The following NXPE2 variants were observed in gnomAD, a reference collection of about 807,000 sequenced individuals.
The protein encoded by NXPE2 is neurexophilin and PC-esterase domain family member 2, also known as NXPE family member 2.
A neutral mutation model predicts 34.4 loss-of-function variants in NXPE2; 34 were observed. The observed-to-expected ratio is 0.99, with a 90% CI of 0.75 to 1.31. The LOEUF is 1.31. Ranked by LOEUF, NXPE2 falls within the 40% of genes most tolerant of loss-of-function variation. The probability of loss-of-function intolerance (pLI) is 0.00; values close to 1 mark genes in which losing one functional copy is unlikely to be tolerated. For missense variants in NXPE2, 649 were observed against 672.5 expected (o/e 0.97, Z 0.39); for synonymous variants, 235 against 231.3 (o/e 1.02, Z -0.15).
chr11:114,798,398 CTTTTCTTCTT>C, the NXPE2 span, among the ~76,000 whole-genome samples: 4 of 152,012 alleles, frequency 2.6e-5, no homozygotes, highest in African/African-American at 9.7e-5. Context: ...CTTCCCTTCC[CTTTTCTTCTT>C]TCCAGAGTCT....
the NXPE2 span, among the ~76,000 whole-genome samples, chr11:114,578,724 C>T: frequency 2.0e-5 from 3 of 152,122 alleles, no homozygotes; most frequent in African/African-American, 7.2e-5. Flanking sequence ...GAGGGGTAGA[C>T]AATAATGGTT....
chr11:114,785,110 A>G, the NXPE2 span, among the ~76,000 whole-genome samples: 3 of 151,996 alleles, frequency 2.0e-5, no homozygotes, highest in Non-Finnish European at 1.5e-5. Flanking sequence ...CGTAGCTGAC[A>G]CTCTCCCAGA....
At chr11:114,464,466 T>C in the NXPE2 span, among the ~76,000 whole-genome samples, 1 of 152,210 alleles carries the variant, frequency 6.6e-6, no homozygotes, top group Non-Finnish European at 1.5e-5. Context: ...CATTTTTGAC[T>C]CATGATATTT....
the NXPE2 span, among the ~76,000 whole-genome samples, chr11:114,658,193 A>G: frequency 6.6e-6 from 1 of 152,228 alleles, no homozygotes; most frequent in Admixed American, 6.5e-5. Flanking sequence ...ATCTAGCTTA[A>G]AATCTAATGA....
the NXPE2 span, among the ~76,000 whole-genome samples, chr11:114,579,719 A>G: frequency 6.6e-6 from 1 of 152,236 alleles, no homozygotes; most frequent in Non-Finnish European, 1.5e-5. Flanking sequence ...ATGGTTATGT[A>G]ACTTGTTCAA....
chr11:114,537,759 C>A, the NXPE2 span, among the ~76,000 whole-genome samples: 1 of 151,696 alleles, frequency 6.6e-6, no homozygotes, highest in Non-Finnish European at 1.5e-5. Context: ...GAACTACAAA[C>A]CACTGCTCAA....
chr11:114,734,362 C>CT, the NXPE2 span, among the ~76,000 whole-genome samples: 12 of 152,114 alleles, frequency 7.9e-5, no homozygotes, highest in East Asian at 1.9e-4. Context: ...TTTACAAATA[C>CT]ATTTTTTGTG....
chr11:114,776,460 A>G, the NXPE2 span, among the ~76,000 whole-genome samples: 1 of 152,096 alleles, frequency 6.6e-6, no homozygotes. Flanking sequence ...TTGTGGAGAG[A>G]CCTCTGGCTC....
the NXPE2 span, among the ~76,000 whole-genome samples, chr11:114,785,672 AT>A: frequency 6.6e-6 from 1 of 152,232 alleles, no homozygotes; most frequent in East Asian, 1.9e-4. Flanking sequence ...GGCCTAATTG[AT>A]TAATTTTACC....
chr11:114,799,219 G>T, the NXPE2 span, among the ~76,000 whole-genome samples: 1 of 147,930 alleles, frequency 6.8e-6, no homozygotes, highest in Non-Finnish European at 1.5e-5. Context: ...TTTTATTTGG[G>T]TATTTGTGAT....
At chr11:114,768,478 T>C in the NXPE2 span, among the ~76,000 whole-genome samples, 3 of 152,234 alleles carry the variant, frequency 2.0e-5, no homozygotes, top group African/African-American at 4.8e-5. Context: ...GGGGATAGCA[T>C]TGAATCTATA....
the NXPE2 span, among the ~76,000 whole-genome samples, chr11:114,640,379 C>T: frequency 2.0e-5 from 3 of 148,824 alleles, no homozygotes; most frequent in African/African-American, 7.4e-5. Flanking sequence ...TTTCTTTATC[C>T]ACTCATGTGT....
the NXPE2 span, among the ~76,000 whole-genome samples, chr11:114,573,646 A>G: frequency 6.6e-6 from 1 of 152,052 alleles, no homozygotes; most frequent in Non-Finnish European, 1.5e-5. Context: ...TGATAAAATA[A>G]CATTCAACAG....
At chr11:114,615,278 C>G in the NXPE2 span, among the ~76,000 whole-genome samples, 31 of 152,054 alleles carry the variant, frequency 2.0e-4, no homozygotes, top group Non-Finnish European at 5.9e-5. Context: ...TTGTGGGTAT[C>G]CACTGTTACC....
At chr11:114,721,790 A>C in the NXPE2 span, among the ~76,000 whole-genome samples, 1 of 152,212 alleles carries the variant, frequency 6.6e-6, no homozygotes, top group African/African-American at 2.4e-5. Context: ...TGTCAAAATC[A>C]TAACAATGGC....
chr11:114,711,120 G>T (rs1022252887), downstream of NXPE2, among the ~76,000 whole-genome samples: 3 of 151,942 alleles, frequency 2.0e-5, no homozygotes, highest in Admixed American at 6.6e-5. Flanking sequence ...TACACGAAAA[G>T]CCCACAGTTA....
the NXPE2 span, among the ~76,000 whole-genome samples, chr11:114,628,472 T>C: frequency 0.01 from 1,542 of 151,956 alleles, 22 homozygotes; most frequent in African/African-American, 0.035. Context: ...TTGAAACCAA[T>C]GAGAACAAAG....
the NXPE2 span, among the ~76,000 whole-genome samples, chr11:114,569,855 G>A: frequency 3.3e-5 from 5 of 152,252 alleles, no homozygotes; most frequent in Admixed American, 1.3e-4. Flanking sequence ...CCACACTCAA[G>A]TTAAAAGGGA....
the NXPE2 span, among the ~76,000 whole-genome samples, chr11:114,733,917 C>T: frequency 6.6e-6 from 1 of 152,156 alleles, no homozygotes; most frequent in African/African-American, 2.4e-5. Flanking sequence ...CTTTCATGGA[C>T]TCCTTCATGA....
Sources: allele counts gnomAD v4.1 joint callset (sites outside exome capture counted in the v4.1 genomes callset), GRCh38; gene constraint gnomAD v4.1.1; transcripts MANE v1.5; gene names NCBI Gene and HGNC (gene_info 2026-07-23, HGNC 2026-07-21).